The following HMGB1 variants were observed in gnomAD, a reference collection of about 807,000 sequenced individuals.
The protein encoded by HMGB1 is high mobility group box 1.
For synonymous variants in HMGB1, 81 were observed against 84.0 expected, an observed-to-expected ratio of 0.96 and a Z score of 0.19; for missense variants, 79 against 253.5, an observed-to-expected ratio of 0.31 and a Z score of 4.67.
At chr13:30,612,432 GCAGA>G (rs1950521262) in intron 1 of HMGB1, among the ~76,000 whole-genome samples, 1 of 152,212 alleles carries the variant, frequency 6.6e-6, no homozygotes, top group Non-Finnish European at 1.5e-5. Flanking sequence ...AGGCCTTAAA[GCAGA>G]CAGTCATGTG....
intron 1 of HMGB1, among the ~76,000 whole-genome samples, chr13:30,505,965 T>C (rs757772025): frequency 3.3e-5 from 5 of 151,714 alleles, no homozygotes; most frequent in South Asian, 4.2e-4. Context: ...CGTCTGGTGA[T>C]CAGCCTGCCT....
intron 1 of HMGB1, chr13:30,464,385 C>A: frequency 1.0e-6 from 1 of 985,494 alleles, no homozygotes; most frequent in Non-Finnish European, 1.2e-6. Flanking sequence ...AAAAGCCACT[C>A]CTGCTCGTGG....
chr13:30,505,464 C>A (rs1168640345), intron 1 of HMGB1, among the ~76,000 whole-genome samples: 2 of 152,038 alleles, frequency 1.3e-5, no homozygotes, highest in Non-Finnish European at 2.9e-5. Flanking sequence ...AGGTGTAAGC[C>A]ACCGCGCCCA....
intron 1 of HMGB1, among the ~76,000 whole-genome samples, chr13:30,562,401 C>T (rs973798540): frequency 1.2e-3 from 177 of 151,614 alleles, no homozygotes; most frequent in African/African-American, 4.2e-3. Context: ...TATAGAACCA[C>T]TATAAAATAC....
chr13:30,489,205 T>A (rs140309942), intron 1 of HMGB1, among the ~76,000 whole-genome samples: 168 of 152,174 alleles, frequency 1.1e-3, no homozygotes, highest in African/African-American at 3.9e-3. Flanking sequence ...TTCTAAAAAC[T>A]CTTGTTGAAG....
chr13:30,610,368 T>C (rs1275651027), intron 1 of HMGB1, among the ~76,000 whole-genome samples: 4 of 151,804 alleles, frequency 2.6e-5, no homozygotes, highest in Non-Finnish European at 5.9e-5. Context: ...GTGCTAGGAG[T>C]TGGAAAAGGA....
chr13:30,579,246 A>G (rs991390644), intron 1 of HMGB1, among the ~76,000 whole-genome samples: 1 of 152,232 alleles, frequency 6.6e-6, no homozygotes, highest in African/African-American at 2.4e-5. Context: ...CTGAAGACAG[A>G]ATCACATTAT....
intron 1 of HMGB1, among the ~76,000 whole-genome samples, chr13:30,594,356 G>T (rs1254928930): frequency 6.6e-6 from 1 of 152,058 alleles, no homozygotes; most frequent in Non-Finnish European, 1.5e-5. Flanking sequence ...CAGTTTTTCA[G>T]CCCTTGCCCC....
intron 1 of HMGB1, among the ~76,000 whole-genome samples, chr13:30,511,486 G>A (rs1476812676): frequency 6.6e-6 from 1 of 152,154 alleles, no homozygotes; most frequent in African/African-American, 2.4e-5. Context: ...TCCTGAGACT[G>A]AGCAGATGCT....
Position 30,599,045 on chromosome 13 carries a change from C to G in HMGB1, c.-15+17626G>C, listed in dbSNP as rs148444408. ...CAGGCTGGACTTGAACTCCTGGGCT[C>G]AAGCAATCCTCCACCTCAGCCTCCC... is the stretch of plus-strand genomic sequence containing the variant. On this transcript the variant is annotated intron_variant, in intron 1 of 4. Coordinates refer to the HMGB1 transcript ENST00000405805. 4.8e-3 allele frequency among the ~76,000 whole-genome samples: 727 copies of G among 152,178 alleles called. 11 individuals are homozygous for G. Among genetic ancestry groups the G allele is most frequent in the African/African-American group, 0.017 (703 of 41,514 alleles).
chr13:30,609,660 T>C (rs1950495574), intron 1 of HMGB1, among the ~76,000 whole-genome samples: 1 of 152,164 alleles, frequency 6.6e-6, no homozygotes, highest in Non-Finnish European at 1.5e-5. Context: ...AGTTCTTTAG[T>C]GGTGATTTCT....
At chr13:30,564,522 G>A (rs1870107046) in intron 1 of HMGB1, among the ~76,000 whole-genome samples, 1 of 152,042 alleles carries the variant, frequency 6.6e-6, no homozygotes, top group Non-Finnish European at 1.5e-5. Context: ...GGAGAGATCT[G>A]TTTACCTTTA....
intron 1 of HMGB1, among the ~76,000 whole-genome samples, chr13:30,611,103 T>A (rs557763488): frequency 2.0e-5 from 3 of 152,250 alleles, no homozygotes; most frequent in African/African-American, 7.2e-5. Flanking sequence ...TGCAGAAGTA[T>A]AATGTTTATG....
chr13:30,540,215 G>A, intron 1 of HMGB1: 1 of 192,842 alleles, frequency 5.2e-6, no homozygotes, highest in Non-Finnish European at 1.1e-5. Flanking sequence ...TCAGCAAGGG[G>A]ATCATCCAGA....
At chr13:30,551,104 C>T (rs1869405830) in intron 1 of HMGB1, among the ~76,000 whole-genome samples, 2 of 152,134 alleles carry the variant, frequency 1.3e-5, no homozygotes, top group Admixed American at 1.3e-4. Context: ...AAGCATTTTA[C>T]CATCTACTAT....
intron 1 of HMGB1, among the ~76,000 whole-genome samples, chr13:30,516,003 T>C (rs1888093897): frequency 1.3e-5 from 2 of 152,232 alleles, no homozygotes; most frequent in Admixed American, 1.3e-4. Context: ...TGGCAAATGC[T>C]ACATACAACA....
At chr13:30,537,613 C>G (rs1868497906) in intron 1 of HMGB1, among the ~76,000 whole-genome samples, 1 of 143,014 alleles carries the variant, frequency 7.0e-6, no homozygotes, top group Admixed American at 7.1e-5. Flanking sequence ...CTGATTCACC[C>G]ACGTCGCTGC....
At chr13:30,539,235 G>C (rs1176939936) in intron 1 of HMGB1, among the ~76,000 whole-genome samples, 2 of 152,158 alleles carry the variant, frequency 1.3e-5, no homozygotes, top group Non-Finnish European at 2.9e-5. Context: ...TTCTCCCCCT[G>C]CCCGCCTCCG....
upstream of HMGB1, among the ~76,000 whole-genome samples, chr13:30,470,656 AT>A (rs1305183016): frequency 1.3e-5 from 2 of 150,354 alleles, no homozygotes; most frequent in Non-Finnish European, 1.5e-5. Flanking sequence ...GTTTTATTTT[AT>A]TTTTTTTTTG....
Sources: allele counts gnomAD v4.1 joint callset (sites outside exome capture counted in the v4.1 genomes callset), GRCh38; gene constraint gnomAD v4.1.1; transcripts MANE v1.5; gene names NCBI Gene and HGNC (gene_info 2026-07-23, HGNC 2026-07-21).